Variants in TEX29 observed in about 807,000 individuals in gnomAD.
TEX29 encodes testis expressed 29.
In TEX29, 26 loss-of-function variants were observed where a neutral mutation model predicts 18.2. The ratio of observed to expected loss-of-function variants is 1.43; its 90% CI spans 1.04 to 1.98. The LOEUF is 1.98. Ranked by LOEUF, TEX29 falls within the 30% of genes most tolerant of loss-of-function variation. The probability of loss-of-function intolerance (pLI) is 0.00; values close to 1 mark genes in which losing one functional copy is unlikely to be tolerated. For missense variants in TEX29, 177 were observed against 194.2 expected, an observed-to-expected ratio of 0.91 and a Z score of 0.53; for synonymous variants, 83 against 78.5, an observed-to-expected ratio of 1.06 and a Z score of -0.31.
rs370700305 is a variant in TEX29, at chr13:111,333,792, C to T, written c.169+5499C>T. 5.2e-3 allele frequency among the ~76,000 whole-genome samples: 796 copies of T among 151,824 alleles called. 13 individuals are homozygous for T. The highest frequency in any genetic ancestry group is 0.017 in the African/African-American group (720 of 41,170). ...CAGCAAGGTTGTGGGAAGGGAACTG[C>T]CAAACACTTTTAAACCATCGGATCT... is the stretch of plus-strand genomic sequence containing the variant. On this transcript the variant is annotated intron_variant, in intron 3 of 5. Transcript: ENST00000283547.
chr13:111,340,049 C>A lies in TEX29; in HGVS notation c.239+117C>A. On this transcript the variant is annotated intron_variant, in intron 4 of 5. Coordinates refer to ENST00000283547, the MANE Select transcript of TEX29 (RefSeq NM_152324.3). ...TTGGTGCTGCTGGGGTGACTGAGAA[C>A]AGCTCTCCGTGAGCCTGGGAAAGGG... 4 of 917,052 alleles carry A rather than the reference C, an allele frequency of 4.4e-6. No individual in the cohort carries two copies. The South Asian group carries it at 5.5e-5, about 13-fold the overall frequency. The allele number at this position is 917,052 out of a possible 1,614,324, so 56.8% of individuals were successfully genotyped here.
At position 111,344,170 on chromosome 13, in the gene TEX29, A is replaced by G. The variant is rs1373135625; in HGVS notation, c.*47A>G. The G allele has an allele frequency of 2.0e-6, 3 of 1,520,638 alleles. No homozygotes were observed. The highest frequency in any genetic ancestry group is 2.7e-5 in the African/African-American group (2 of 72,950). The allele number at this position is 1,520,638 out of a possible 1,614,324, so 94.2% of individuals were successfully genotyped here. On this transcript the variant is annotated 3_prime_UTR_variant, in exon 6 of 6. Coordinates refer to ENST00000283547, the MANE Select transcript of TEX29 (RefSeq NM_152324.3). ...AGATTGTCAGAATTATCCAAATGAA[A>G]TGGTACAGCAGGTGCACTGTTAACA...
chr13:111,344,191 T>G lies in TEX29; in HGVS notation c.*68T>G. ...TGAAATGGTACAGCAGGTGCACTGT[T>G]AACAGTGTGATGGAATGACCACCCA... is the stretch of plus-strand genomic sequence containing the variant. On this transcript the variant is annotated 3_prime_UTR_variant, in exon 6 of 6. Transcript: ENST00000283547. 7.4e-7 allele frequency: 1 copy of G among 1,360,208 alleles called. No homozygotes were observed. The highest frequency in any genetic ancestry group is 1.0e-6 in the Non-Finnish European group (1 of 961,494). The allele number at this position is 1,360,208 out of a possible 1,614,324, so 84.3% of individuals were successfully genotyped here.
rs577962005 is a variant in TEX29, at chr13:111,340,123, G to C, written c.239+191G>C. On this transcript the variant is annotated intron_variant, in intron 4 of 5. Transcript: ENST00000283547. ...CCCACTGATTTTCTCCAGAGTGCTT[G>C]TTGATGAAAATCATAACCCATGTTT... 5.3e-5 allele frequency among the ~76,000 whole-genome samples: 8 copies of C among 152,168 alleles called. No individual in the cohort carries two copies. In the East Asian group the frequency reaches 9.7e-4, roughly 18 times the overall value.
At position 111,342,933 on chromosome 13, in the gene TEX29, T is replaced by G. The variant is rs752750887; in HGVS notation, c.415+2T>G. 4 of 1,613,354 alleles carry G rather than the reference T, an allele frequency of 2.5e-6. No individual in the cohort carries two copies. Among genetic ancestry groups the G allele is most frequent in the Non-Finnish European group, 3.4e-6 (4 of 1,179,488 alleles). On this transcript the variant is annotated splice_donor_variant, in intron 5 of 5. Coordinates refer to ENST00000283547, the MANE Select transcript of TEX29 (RefSeq NM_152324.3). LOFTEE classifies it high-confidence loss of function. ...AGAGTGACGAGGATAAGGATGATGGTGAGAAGCTTCTGGAATGATCCTCAG... is the reference window on the plus strand; with the variant it reads ...AGAGTGACGAGGATAAGGATGATGGGGAGAAGCTTCTGGAATGATCCTCAG...
Position 111,342,856 on chromosome 13 carries a change from T to G in TEX29, c.340T>G (p.Leu114Val), listed in dbSNP as rs1334640046. The G allele has an allele frequency of 6.2e-7, 1 of 1,614,128 alleles. No individual in the cohort carries two copies. The highest frequency in any genetic ancestry group is 8.5e-7 in the Non-Finnish European group (1 of 1,180,024). Residue 114 changes from leucine (L) to valine (V), a missense_variant, in exon 5 of 6, where the codon TTA (leucine) becomes GTA (valine). By Grantham distance (32) the Leu-to-Val change is conservative. Transcript: ENST00000283547. ...GGAGTTGGCCTCATCCAGCAGCAAG[T>G]TAGGGCTGAAGCCTGCGAGTCCTGG... ...KAELASSSSK[L>V]GLKPASPGPP...
chr13:111,334,925 T>C (rs2093687536), intron 3 of TEX29, among the ~76,000 whole-genome samples: 1 of 152,158 alleles, frequency 6.6e-6, no homozygotes, highest in South Asian at 2.1e-4. Flanking sequence ...TTACAGGCTG[T>C]TGATTTTCAA....
intron 2 of TEX29, among the ~76,000 whole-genome samples, chr13:111,325,551 A>G (rs1158568791): frequency 6.6e-6 from 1 of 152,074 alleles, no homozygotes; most frequent in Non-Finnish European, 1.5e-5. Flanking sequence ...GCCTCAGCTT[A>G]CTCCAACCTC....
At chr13:111,319,531 C>T (rs911872940), upstream of TEX29, among the ~76,000 whole-genome samples, 1 of 152,172 alleles carries the variant, frequency 6.6e-6, no homozygotes, top group African/African-American at 2.4e-5. Flanking sequence ...CCACCTGATG[C>T]CCACAGCACC....
At chr13:111,342,700 T>G in intron 4 of TEX29, 56 bp from the exon 5 acceptor site, 4 of 1,568,310 alleles carry the variant, frequency 2.6e-6, no homozygotes, top group South Asian at 2.3e-5. Flanking sequence ...AGGGAGGAAC[T>G]GGAGAGTTTT....
At position 111,338,120 on chromosome 13, in the gene TEX29, G is replaced by A. The variant is rs10617843; in HGVS notation, c.170-1743G>A. 6.6e-3 allele frequency among the ~76,000 whole-genome samples: 628 copies of A among 95,792 alleles called. 4 individuals carry two copies. Among genetic ancestry groups the A allele is most frequent in the African/African-American group, 0.016 (596 of 36,148 alleles). The allele number at this position is 95,792 out of a possible 152,430, so 62.8% of individuals were successfully genotyped here. ...AGGAGGCCACTTTCTCTGCACCTGC[G>A]GCCTTGCTTCTGGGGTGGGTTGAAT... On this transcript the variant is annotated intron_variant, in intron 3 of 5. Transcript: ENST00000283547.
chr13:111,316,378 C>T (rs528435785), upstream of TEX29: 30 of 436,194 alleles, frequency 6.9e-5, no homozygotes, highest in South Asian at 9.7e-5. Flanking sequence ...GTGGAGCCCC[C>T]GCTGTCTGCC....
chr13:111,323,218 C>T (rs2093667568), intron 2 of TEX29, among the ~76,000 whole-genome samples: 1 of 152,240 alleles, frequency 6.6e-6, no homozygotes, highest in South Asian at 2.1e-4. Context: ...GGCCTCCAGA[C>T]AGCCCCCTAG....
At chr13:111,330,891 T>A (rs2093681666) in intron 3 of TEX29, among the ~76,000 whole-genome samples, 1 of 152,220 alleles carries the variant, frequency 6.6e-6, no homozygotes, top group Non-Finnish European at 1.5e-5. Context: ...TCCTTTCTGT[T>A]TATTGCGGAG....
At chr13:111,320,322 G>T (rs1475959932), upstream of TEX29, among the ~76,000 whole-genome samples, 5 of 152,188 alleles carry the variant, frequency 3.3e-5, no homozygotes, top group African/African-American at 1.2e-4. Flanking sequence ...TGGCAGAGAG[G>T]GGTGTCCCAG....
chr13:111,343,223 A>C (rs2093699435), intron 5 of TEX29, among the ~76,000 whole-genome samples: 1 of 152,122 alleles, frequency 6.6e-6, no homozygotes, highest in Non-Finnish European at 1.5e-5. Context: ...TTAGTGTGGG[A>C]AGCTCCTGGG....
At chr13:111,335,760 C>A (rs1448571342) in intron 3 of TEX29, among the ~76,000 whole-genome samples, 7 of 152,178 alleles carry the variant, frequency 4.6e-5, no homozygotes, top group African/African-American at 1.7e-4. Context: ...GATTAGTGAT[C>A]CCAATTTCCT....
chr13:111,332,125 T>G (rs1448029268), intron 3 of TEX29, among the ~76,000 whole-genome samples: 1 of 152,220 alleles, frequency 6.6e-6, no homozygotes, highest in Admixed American at 6.5e-5. Flanking sequence ...TGAATCTGTA[T>G]ATAATTTGGG....
chr13:111,323,688 A>T (rs2153641262), intron 2 of TEX29, among the ~76,000 whole-genome samples: 1 of 151,376 alleles, frequency 6.6e-6, no homozygotes, highest in East Asian at 2.0e-4. Context: ...CACGTGCTCC[A>T]GGCAGGAAGG....
Sources: gnomAD v4.1 joint callset for allele counts (sites outside exome capture counted in the v4.1 genomes callset) on GRCh38, gnomAD v4.1.1 for gene constraint, MANE v1.5 for transcripts, NCBI Gene and HGNC (gene_info 2026-07-23, HGNC 2026-07-21) for gene names.